SNX9: variants seen among roughly 807,000 people sequenced by gnomAD.
The protein encoded by SNX9 is sorting nexin 9.
SNX9 carries 44 observed loss-of-function variants against 89.4 expected under a neutral mutation model. That is an observed-to-expected ratio of 0.49 (90% CI 0.39 to 0.63). SNX9 has a LOEUF of 0.63. Among genes scored for constraint, SNX9 ranks in the 30% least tolerant of loss-of-function variants. The probability of loss-of-function intolerance (pLI) is 0.00; values close to 1 mark genes in which losing one functional copy is unlikely to be tolerated. For synonymous variants in SNX9, 236 were observed against 247.8 expected (o/e 0.95, Z 0.45); for missense variants, 578 against 736.1 (o/e 0.79, Z 2.49).
intron 1 of SNX9, among the ~76,000 whole-genome samples, chr6:157,858,457 C>T (rs1006690880): frequency 1.3e-4 from 20 of 151,950 alleles, no homozygotes; most frequent in Admixed American, 7.9e-4. Context: ...CCTGTACTCA[C>T]GTGATCCGCC....
rs1172699831 is a variant in SNX9, at chr6:157,915,623, T to TAAAAAAAAAAAA, written c.949+5605_949+5616dup. On this transcript the variant is annotated intron_variant, in intron 9 of 17. Coordinates refer to ENST00000392185, the MANE Select transcript of SNX9 (RefSeq NM_016224.5). ...CAACATGGCAAAACCCCATCTCTAC[T>TAAAAAAAAAAAA]AAAAAAAAAAAAAAAAAATATATAT... Among the ~76,000 whole-genome samples, 113 of 71,148 alleles carry TAAAAAAAAAAAA rather than the reference T, an allele frequency of 1.6e-3. 1 individual carries two copies. The highest frequency in any genetic ancestry group is 7.9e-3 in the African/African-American group (105 of 13,290). 46.7% of individuals were successfully genotyped at this position (71,148 alleles called of 152,430 possible). A position where few individuals can be genotyped will look rare whatever the true frequency, so the allele number is the denominator to read the frequency against.
At chr6:157,861,694 A>C (rs28612126) in intron 1 of SNX9, among the ~76,000 whole-genome samples, 1 of 152,240 alleles carries the variant, frequency 6.6e-6, no homozygotes, top group Non-Finnish European at 1.5e-5. Flanking sequence ...CGAGACCTCC[A>C]GGGATGCCTG....
At chr6:157,840,155 G>GCACAGTGAGGCCAGAGCT (rs1562590741) in intron 1 of SNX9, among the ~76,000 whole-genome samples, 6 of 108,194 alleles carry the variant, frequency 5.5e-5, no homozygotes, top group African/African-American at 1.3e-4. Context: ...GCTGGTGCTT[G>GCACAGTGAGGCCAGAGCT]GGGTGTCTTT....
chr6:157,936,297 G>GGGT lies in SNX9; in HGVS notation c.1443+259_1443+261dup, dbSNP rs1367193395. Among the ~76,000 whole-genome samples, 20 of 152,306 alleles carry GGGT rather than the reference G, an allele frequency of 1.3e-4. No individual in the cohort carries two copies. In the East Asian group the frequency reaches 3.9e-3, roughly 29 times the overall value. Reference sequence around the variant, plus strand: ...ATCTGGCACTTTGGGAGGCCAAGGCGGGTGAATCTCTTGAGTCCAGGAGTT... The same window carrying GGGT: ...ATCTGGCACTTTGGGAGGCCAAGGCGGGTGGTGAATCTCTTGAGTCCAGGAGTT... On this transcript the variant is annotated intron_variant, in intron 14 of 17. Transcript: ENST00000392185.
chr6:157,942,743 G>A (rs750891525), intron 17 of SNX9, 48 bp from the exon 18 acceptor site: 51 of 1,592,834 alleles, frequency 3.2e-5, no homozygotes, highest in South Asian at 5.6e-5. Flanking sequence ...CTGTGAGGTC[G>A]TAATGGGAGT....
At chr6:157,932,391 A>G (rs1783829725) in intron 13 of SNX9, 119 bp downstream of exon 13, 1 of 874,226 alleles carries the variant, frequency 1.1e-6, no homozygotes, top group African/African-American at 1.7e-5. Context: ...GTGGGTGTGT[A>G]AATTGGCTAG....
chr6:157,924,365 G>A (rs1271390497), intron 10 of SNX9: 1 of 152,198 alleles, frequency 6.6e-6, no homozygotes, highest in Non-Finnish European at 1.5e-5. Context: ...ATGTGCTGAA[G>A]GTGGAGCTGT....
At chr6:157,824,204 T>G (rs577099181) in intron 1 of SNX9, among the ~76,000 whole-genome samples, 2 of 152,194 alleles carry the variant, frequency 1.3e-5, no homozygotes, top group Non-Finnish European at 2.9e-5. Flanking sequence ...TTTTACGTTA[T>G]TGTTTATGAA....
At chr6:157,893,344 G>C (rs1224757049) in intron 4 of SNX9, among the ~76,000 whole-genome samples, 1 of 152,152 alleles carries the variant, frequency 6.6e-6, no homozygotes, top group Non-Finnish European at 1.5e-5. Flanking sequence ...ATTTGACATA[G>C]AGTAAAATAA....
intron 9 of SNX9, among the ~76,000 whole-genome samples, chr6:157,914,974 C>T (rs986014319): frequency 6.6e-6 from 1 of 152,066 alleles, no homozygotes; most frequent in South Asian, 2.1e-4. Flanking sequence ...ATAAGGTGTG[C>T]AGTGTGGTAG....
intron 9 of SNX9, 103 bp downstream of exon 9, chr6:157,910,128 A>G (rs1783308611): frequency 1.3e-5 from 11 of 846,514 alleles, no homozygotes; most frequent in East Asian, 4.9e-5. Context: ...GTAGAGCAGC[A>G]GGATGCAGGA....
intron 6 of SNX9, among the ~76,000 whole-genome samples, chr6:157,902,430 TG>T: frequency 6.6e-6 from 1 of 152,290 alleles, no homozygotes; most frequent in East Asian, 1.9e-4. Flanking sequence ...TGCCAGGCAT[TG>T]TGCAGAGAGG....
intron 4 of SNX9, among the ~76,000 whole-genome samples, chr6:157,876,285 C>G (rs1156799864): frequency 6.6e-6 from 1 of 152,146 alleles, no homozygotes; most frequent in Non-Finnish European, 1.5e-5. Flanking sequence ...AACCCCATCT[C>G]TACTAAAAAT....
intron 1 of SNX9, among the ~76,000 whole-genome samples, chr6:157,867,172 C>G (rs1465806951): frequency 6.6e-6 from 1 of 152,030 alleles, no homozygotes; most frequent in South Asian, 2.1e-4. Context: ...AGGCTGGTCT[C>G]GAACCCCTGG....
rs146489977 is a variant in SNX9 at position 157,862,541 on chromosome 6, C to A, written c.13-5006C>A. Among the ~76,000 whole-genome samples, 8 of 152,170 alleles carry A rather than the reference C, an allele frequency of 5.3e-5. No individual in the cohort carries two copies. In the East Asian group the frequency reaches 1.5e-3, roughly 29 times the overall value. On this transcript the variant is annotated intron_variant, in intron 1 of 17. Coordinates refer to ENST00000392185, the MANE Select transcript of SNX9 (RefSeq NM_016224.5). Reference sequence around the variant, plus strand: ...ACTTTTCTGTTTTAAAGATGAGGAGCAACACTGTTGAAGATTTACTGCTTT... The same window carrying A: ...ACTTTTCTGTTTTAAAGATGAGGAGAAACACTGTTGAAGATTTACTGCTTT...
intron 1 of SNX9, among the ~76,000 whole-genome samples, chr6:157,837,208 A>G (rs560184820): frequency 2.0e-5 from 3 of 152,198 alleles, no homozygotes; most frequent in Non-Finnish European, 4.4e-5. Context: ...GTAACTTTTC[A>G]GTTCTTTTGA....
intron 4 of SNX9, among the ~76,000 whole-genome samples, chr6:157,883,587 T>C (rs114670376): frequency 0.011 from 1,691 of 152,346 alleles, 31 homozygotes; most frequent in African/African-American, 0.038. Context: ...ATTTCTGTGA[T>C]GCCTCAGTGT....
At chr6:157,875,289 G>A in intron 4 of SNX9, 113 bp downstream of exon 4, 1 of 1,382,938 alleles carries the variant, frequency 7.2e-7, no homozygotes, top group Non-Finnish European at 9.6e-7. Context: ...CAAAAACAAA[G>A]TCGCTTTTAG....
chr6:157,855,887 C>A (rs1782000091), intron 1 of SNX9, among the ~76,000 whole-genome samples: 1 of 152,206 alleles, frequency 6.6e-6, no homozygotes, highest in Non-Finnish European at 1.5e-5. Flanking sequence ...CAGGCAGCCA[C>A]CACCACGCCA....
Sources: allele counts gnomAD v4.1 joint callset (sites outside exome capture counted in the v4.1 genomes callset), GRCh38; gene constraint gnomAD v4.1.1; transcripts MANE v1.5; gene names NCBI Gene and HGNC (gene_info 2026-07-23, HGNC 2026-07-21).